Variants in MORC2 observed in about 807,000 individuals in gnomAD.
MORC2 encodes ATPase MORC2.
MORC2 carries 30 observed loss-of-function variants against 136.0 expected under a neutral mutation model. That is an observed-to-expected ratio of 0.22 (90% CI 0.17 to 0.30). MORC2 has a LOEUF of 0.30. Ranked by LOEUF, MORC2 falls within the 10% of genes least tolerant of loss-of-function variation. The pLI is 1.00. For synonymous variants in MORC2, 439 were observed against 487.0 expected, an observed-to-expected ratio of 0.90 and a Z score of 1.30; for missense variants, 922 against 1,333.1, an observed-to-expected ratio of 0.69 and a Z score of 4.80.
intron 1 of MORC2, among the ~76,000 whole-genome samples, chr22:30,965,730 T>C (rs916937797): frequency 1.1e-4 from 17 of 152,222 alleles, no homozygotes; most frequent in African/African-American, 3.1e-4. Context: ...GCCAAGTATC[T>C]ATCAATAAGC....
In MORC2 at chr22:30,937,131, G is replaced by A. The variant is rs1405948696; in HGVS notation, c.1499-94C>T. On this transcript the variant is annotated intron_variant, in intron 15 of 25. Coordinates refer to ENST00000397641, the MANE Select transcript of MORC2 (RefSeq NM_001303256.3). The surrounding 1 kb of genome is among the most constrained non-coding windows in gnomAD (Gnocchi z 4.7). ...ACAGGCCCACCACAATGATGCCCCA[G>A]ACTTTGTAGGCAAAGATCTTCACTC... The A allele has an allele frequency of 1.2e-6, 1 of 837,598 alleles. No individual in the cohort carries two copies. Among genetic ancestry groups the A allele is most frequent in the African/African-American group, 1.7e-5 (1 of 59,824 alleles). The allele number at this position is 837,598 out of a possible 1,614,324, so 51.9% of individuals were successfully genotyped here. A position where few individuals can be genotyped will look rare whatever the true frequency, so the allele number is the denominator to read the frequency against.
At chr22:30,939,532 G>A in intron 12 of MORC2, 89 bp downstream of exon 12, 3 of 1,275,898 alleles carry the variant, frequency 2.4e-6, no homozygotes, top group Non-Finnish European at 3.3e-6. Context: ...TTAAAACAAA[G>A]CAGTCTTGGT....
chr22:30,961,179 A>T (rs2041040603), intron 1 of MORC2, among the ~76,000 whole-genome samples: 1 of 152,174 alleles, frequency 6.6e-6, no homozygotes, highest in Non-Finnish European at 1.5e-5. Context: ...CCATATGTTT[A>T]ATTATTAAAA....
intron 10 of MORC2, 74 bp from the exon 11 acceptor site, chr22:30,940,115 T>C: frequency 6.9e-7 from 1 of 1,438,920 alleles, no homozygotes; most frequent in Non-Finnish European, 9.6e-7. Flanking sequence ...GGATCCACAG[T>C]ACTGGACACG....
At chr22:30,942,700 T>C (rs1433066167) in intron 6 of MORC2, among the ~76,000 whole-genome samples, 1 of 152,010 alleles carries the variant, frequency 6.6e-6, no homozygotes, top group East Asian at 1.9e-4. Context: ...TATGTACCAG[T>C]AAACATGTAC....
chr22:30,936,395 G>C, intron 17 of MORC2, 116 bp downstream of exon 17: 1 of 1,421,538 alleles, frequency 7.0e-7, no homozygotes, highest in Non-Finnish European at 9.5e-7. Context: ...GGCAAACAAC[G>C]CGGGTGAGTG....
rs892018476 is a variant in MORC2, at chr22:30,934,812, T to C, written c.2162A>G (p.Lys721Arg). The C allele has an allele frequency of 6.2e-7, 1 of 1,614,174 alleles. No individual in the cohort carries two copies. Among genetic ancestry groups the C allele is most frequent in the Non-Finnish European group, 8.5e-7 (1 of 1,180,034 alleles). Residue 721 changes from lysine to arginine, a missense_variant, in exon 19 of 26, where the codon AAG becomes AGG. By Grantham distance (26) the Lys-to-Arg change is conservative. This residue lies in a region of MORC2 where 184 missense variants were observed against 180.3 expected (regional missense o/e 1.02). Coordinates refer to ENST00000397641, the MANE Select transcript of MORC2 (RefSeq NM_001303256.3). This position sits in a 1 kb window ranked among gnomAD's most constrained non-coding sequence, Gnocchi z 4.4. ...SPKVIKTPVV[K>R]KTESPIKLSP... is the part of the protein sequence containing the mutation. ...GAGTTTGATGGGTGACTCTGTCTTC[T>C]TCACCACTGGAGTCTTGATGACTTT...
In MORC2 at chr22:30,960,231, T is replaced by G. The variant is rs561408336; in HGVS notation, c.69-1537A>C. On this transcript the variant is annotated intron_variant, in intron 1 of 25. Coordinates refer to ENST00000397641, the MANE Select transcript of MORC2 (RefSeq NM_001303256.3). ...ATCTGCCTGCCTTGGACTCCCAAAGTGCTGAGATTACAGACCTGAGCCACC... is the reference window on the plus strand; with the variant it reads ...ATCTGCCTGCCTTGGACTCCCAAAGGGCTGAGATTACAGACCTGAGCCACC... Among the ~76,000 whole-genome samples, 33 of 152,274 alleles carry G rather than the reference T, an allele frequency of 2.2e-4. No homozygotes were observed. The East Asian group carries it at 4.1e-3, about 19-fold the overall frequency.
intron 11 of MORC2, 122 bp from the exon 12 acceptor site, chr22:30,939,828 A>G (rs5753400): frequency 0.01 from 13,765 of 1,331,402 alleles, 104 homozygotes; most frequent in Non-Finnish European, 0.013. Context: ...CTGGAAATTT[A>G]CTTCTTTCTA....
rs541748879 is a variant in MORC2, at chr22:30,937,806, C to T, written c.1369+9G>A. ...AAAAGGCAGAGGCCCAGCAGCCCAG[C>T]CCCATTACCGATGGCAATATCCTTC... On this transcript the variant is annotated intron_variant, in intron 14 of 25. Transcript: ENST00000397641. This position sits in a 1 kb window ranked among gnomAD's most constrained non-coding sequence, Gnocchi z 4.7. The T allele has an allele frequency of 1.2e-6, 2 of 1,614,150 alleles. No individual in the cohort carries two copies. Among genetic ancestry groups the T allele is most frequent in the Admixed American group, 3.3e-5 (2 of 60,036 alleles).
chr22:30,954,512 C>T (rs1344684790), intron 3 of MORC2, among the ~76,000 whole-genome samples: 3 of 152,192 alleles, frequency 2.0e-5, no homozygotes, highest in South Asian at 2.1e-4. Flanking sequence ...ATCCATAGTG[C>T]ATTAATTGTC....
chr22:30,940,079 G>A lies in MORC2; in HGVS notation c.905-38C>T, dbSNP rs1451034935. On this transcript the variant is annotated intron_variant, in intron 10 of 25. Transcript: ENST00000397641. ...AGAGAACATGGTAAGAAATGCAAAG[G>A]TTCAAAACTCTTGGTCATCCCTCCT... is the stretch of plus-strand genomic sequence containing the variant. The A allele has an allele frequency of 1.9e-6, 3 of 1,598,860 alleles. No homozygotes were observed. In the South Asian group the frequency reaches 3.3e-5, roughly 18 times the overall value.
intron 1 of MORC2, among the ~76,000 whole-genome samples, chr22:30,961,468 T>C (rs1435608725): frequency 1.3e-5 from 2 of 152,200 alleles, no homozygotes; most frequent in African/African-American, 4.8e-5. Context: ...ACTTACAAAG[T>C]GAATTCATTT....
intron 3 of MORC2, among the ~76,000 whole-genome samples, 181 bp downstream of exon 3, chr22:30,956,582 T>C (rs1471173770): frequency 6.6e-6 from 1 of 152,240 alleles, no homozygotes; most frequent in African/African-American, 2.4e-5. Flanking sequence ...TCTTGGTTTC[T>C]ATGCCTGACC....
At chr22:30,944,539 T>C (rs2040788616) in intron 6 of MORC2, among the ~76,000 whole-genome samples, 1 of 152,078 alleles carries the variant, frequency 6.6e-6, no homozygotes, top group South Asian at 2.1e-4. Flanking sequence ...TTCTCTCCAT[T>C]AGGTGACCTC....
At chr22:30,933,412 TC>T in intron 21 of MORC2, 53 bp downstream of exon 21, 1 of 1,592,488 alleles carries the variant, frequency 6.3e-7, no homozygotes, top group Non-Finnish European at 8.6e-7. Flanking sequence ...GGGCTCCACT[TC>T]CACTCCCACT....
chr22:30,947,332 T>C (rs1256073100), intron 5 of MORC2, among the ~76,000 whole-genome samples: 1 of 152,236 alleles, frequency 6.6e-6, no homozygotes, highest in Non-Finnish European at 1.5e-5. Flanking sequence ...GGACAGGCCT[T>C]TCCAGGCAAC....
Position 30,940,818 on chromosome 22 carries a change from T to C in MORC2, c.844A>G (p.Ser282Gly). ...TGCTCCGCACGGGTCTTGAAACGGC[T>C]TGACGTGTACTTGTACATCCTGATC... Reference protein sequence around the residue: ...YKPRMYKYTSSRFKTRAEQEV... With the variant: ...YKPRMYKYTSGRFKTRAEQEV... Residue 282 changes from serine to glycine, a missense_variant, in exon 10 of 26, where the codon AGC (serine) becomes GGC (glycine). By Grantham distance (56) the Ser-to-Gly change is moderately conservative. This residue lies in a region of MORC2 where 261 missense variants were observed against 354.3 expected (regional missense o/e 0.74). Transcript: ENST00000397641. 6.2e-7 allele frequency: 1 copy of C among 1,614,122 alleles called. No homozygotes were observed. Among genetic ancestry groups the C allele is most frequent in the South Asian group, 1.1e-5 (1 of 91,068 alleles).
In MORC2 at chr22:30,941,073, T is replaced by C. The variant is rs1272568575; in HGVS notation, c.825-236A>G. On this transcript the variant is annotated intron_variant, in intron 9 of 25. Transcript: ENST00000397641. This position sits in a 1 kb window ranked among gnomAD's most constrained non-coding sequence, Gnocchi z 4.6. ...CACCATTCACCAGGGTTGTCATTCATCCCACAGCAGAAACAAACCTCAGGA... is the reference window on the plus strand; with the variant it reads ...CACCATTCACCAGGGTTGTCATTCACCCCACAGCAGAAACAAACCTCAGGA... Among the ~76,000 whole-genome samples, 3 of 152,156 alleles carry C rather than the reference T, an allele frequency of 2.0e-5. No individual in the cohort carries two copies. The highest frequency in any genetic ancestry group is 7.2e-5 in the African/African-American group (3 of 41,430).
Sources: gnomAD v4.1 joint callset for allele counts (sites outside exome capture counted in the v4.1 genomes callset) on GRCh38, gnomAD v4.1.1 for gene constraint, gnomAD v4.1.1 regional missense constraint, Gnocchi (gnomAD v3.1) non-coding constraint, MANE v1.5 for transcripts, NCBI Gene and HGNC (gene_info 2026-07-23, HGNC 2026-07-21) for gene names.